DYM: variants seen among roughly 807,000 people sequenced by gnomAD.
DYM encodes the protein dymeclin.
In DYM, 78 loss-of-function variants were observed where a neutral mutation model predicts 93.1. That is an observed-to-expected ratio of 0.84 (90% confidence interval 0.70 to 1.01). The LOEUF (loss-of-function observed/expected upper bound fraction) is 1.01, where lower values mean the gene tolerates loss of function less well. Ranked by LOEUF, DYM falls within the 50% of genes least tolerant of loss-of-function variation. DYM has a pLI of 0.00. For missense variants in DYM, 789 were observed against 845.0 expected (o/e 0.93, Z 0.82); for synonymous variants, 321 against 319.7 (o/e 1.00, Z -0.04).
chr18:49,298,752 C>A (rs1055491221), intron 8 of DYM, among the ~76,000 whole-genome samples: 1 of 151,982 alleles, frequency 6.6e-6, no homozygotes, highest in Non-Finnish European at 1.5e-5. Context: ...AAGATCGATT[C>A]CTGTTTACTT....
At chr18:49,333,624 A>G in intron 7 of DYM, 104 bp downstream of exon 7, 1 of 1,263,624 alleles carries the variant, frequency 7.9e-7, no homozygotes, top group Non-Finnish European at 1.1e-6. Context: ...AACTAGAGGA[A>G]ATACCTGGTT....
intron 16 of DYM, 88 bp from the exon 17 acceptor site, chr18:49,097,603 C>T: frequency 9.0e-7 from 1 of 1,111,780 alleles, no homozygotes; most frequent in Non-Finnish European, 1.3e-6. Flanking sequence ...GTCAAACTAT[C>T]ATGATTCCAT....
intron 17 of DYM, among the ~76,000 whole-genome samples, chr18:49,072,554 A>T (rs1297109760): frequency 1.3e-5 from 2 of 152,260 alleles, no homozygotes; most frequent in Non-Finnish European, 2.9e-5. Context: ...AAATAGAGTA[A>T]ATGCTTTTCC....
intron 7 of DYM, 80 bp downstream of exon 7, chr18:49,333,648 G>T: frequency 1.4e-6 from 2 of 1,439,914 alleles, no homozygotes; most frequent in Non-Finnish European, 1.9e-6. Context: ...GATATGGGAC[G>T]ATACTCAGGT....
rs188066651 is a variant in DYM, at chr18:49,189,843, G to T, written c.1625+19708C>A. Among the ~76,000 whole-genome samples, 51 of 152,266 alleles carry T rather than the reference G, an allele frequency of 3.3e-4. 1 individual carries two copies. Among genetic ancestry groups the T allele is most frequent in the African/African-American group, 1.2e-3 (49 of 41,542 alleles). Reference sequence around the variant, plus strand: ...ATAACAGGAAATACCACAAACTCTTGCAATAGTCACATCAACTGTTACATA... The same window carrying T: ...ATAACAGGAAATACCACAAACTCTTTCAATAGTCACATCAACTGTTACATA... On this transcript the variant is annotated intron_variant, in intron 14 of 17. Coordinates refer to ENST00000675505, the MANE Select transcript of DYM (RefSeq NM_001353214.3).
intron 13 of DYM, among the ~76,000 whole-genome samples, chr18:49,213,640 T>C (rs144871871): frequency 6.6e-6 from 1 of 152,292 alleles, no homozygotes; most frequent in East Asian, 1.9e-4. Context: ...ATTATCTATA[T>C]GCTTAAAGAA....
At chr18:49,199,000 T>C (rs994290917) in intron 14 of DYM, among the ~76,000 whole-genome samples, 27 of 152,214 alleles carry the variant, frequency 1.8e-4, no homozygotes, top group Non-Finnish European at 3.7e-4. Context: ...AATGATAGAC[T>C]GGATTAAGAA....
At chr18:49,076,271 T>C (rs1474338711) in intron 17 of DYM, among the ~76,000 whole-genome samples, 1 of 152,220 alleles carries the variant, frequency 6.6e-6, no homozygotes, top group Non-Finnish European at 1.5e-5. Flanking sequence ...ACTTTGAGTC[T>C]GAAAGACACA....
chr18:49,215,433 C>A (rs890390091), intron 13 of DYM, among the ~76,000 whole-genome samples: 2 of 152,152 alleles, frequency 1.3e-5, no homozygotes, highest in African/African-American at 4.8e-5. Context: ...CAGACAAAAT[C>A]TTGTTAGTTT....
At chr18:49,280,953 G>C (rs959317081) in intron 10 of DYM, among the ~76,000 whole-genome samples, 3 of 152,138 alleles carry the variant, frequency 2.0e-5, no homozygotes, top group Non-Finnish European at 4.4e-5. Context: ...TTGACAAATG[G>C]GATCTAATTA....
chr18:49,043,973 C>G lies in DYM; in HGVS notation c.*82G>C. On this transcript the variant is annotated 3_prime_UTR_variant, in exon 18 of 18. Coordinates refer to ENST00000675505, the MANE Select transcript of DYM (RefSeq NM_001353214.3). ...ACAGAAGATACACCAAGTAACCTGT[C>G]TGTCTACTTCTGTTACCCAGAAATA... is the stretch of plus-strand genomic sequence containing the variant. 4 of 1,512,528 alleles carry G rather than the reference C, an allele frequency of 2.6e-6. No homozygotes were observed. The highest frequency in any genetic ancestry group is 3.6e-6 in the Non-Finnish European group (4 of 1,097,996). The allele number at this position is 1,512,528 out of a possible 1,614,324, so 93.7% of individuals were successfully genotyped here. A position where few individuals can be genotyped will look rare whatever the true frequency, so the allele number is the denominator to read the frequency against.
chr18:49,131,753 T>C (rs1188158825), intron 15 of DYM, among the ~76,000 whole-genome samples: 1 of 152,200 alleles, frequency 6.6e-6, no homozygotes, highest in East Asian at 1.9e-4. Context: ...CTATGCAGTA[T>C]TCTTAACAAG....
At chr18:49,345,923 G>A (rs1250286718) in intron 6 of DYM, among the ~76,000 whole-genome samples, 2 of 152,110 alleles carry the variant, frequency 1.3e-5, no homozygotes, top group Non-Finnish European at 2.9e-5. Context: ...ATCAATAAGG[G>A]CATGATTAAA....
intron 17 of DYM, among the ~76,000 whole-genome samples, chr18:49,095,984 T>C (rs953911945): frequency 1.4e-4 from 22 of 152,310 alleles, no homozygotes; most frequent in African/African-American, 3.8e-4. Context: ...TTAATCTTCA[T>C]AGATTTTTTT....
At chr18:49,332,998 A>G (rs2146848108) in intron 7 of DYM, among the ~76,000 whole-genome samples, 1 of 152,334 alleles carries the variant, frequency 6.6e-6, no homozygotes, top group Non-Finnish European at 1.5e-5. Flanking sequence ...AGTGATTTTC[A>G]AATATGTTCA....
At chr18:49,067,452 A>AGTAGAGGAAGGAGTGGGGTGATGTG (rs2076546684) in intron 17 of DYM, among the ~76,000 whole-genome samples, 1 of 18,620 alleles carries the variant, frequency 5.4e-5, no homozygotes, top group Non-Finnish European at 9.5e-5. Flanking sequence ...TGATGTGAGC[A>AGTAGAGGAAGGAGTGGGGTGATGTG]CTATGGAAGT....
chr18:49,125,349 G>A (rs1381851170), intron 15 of DYM, among the ~76,000 whole-genome samples: 2 of 152,144 alleles, frequency 1.3e-5, no homozygotes, highest in Non-Finnish European at 2.9e-5. Context: ...ATACCCAGGC[G>A]TGAAATTCCA....
At chr18:49,258,859 G>C (rs1194169885) in intron 11 of DYM, among the ~76,000 whole-genome samples, 13 of 100,164 alleles carry the variant, frequency 1.3e-4, no homozygotes, top group African/African-American at 5.6e-4. Context: ...GAGAGAGAGA[G>C]AGAGAGAGAG....
chr18:49,150,695 A>C (rs1192876732), intron 15 of DYM, among the ~76,000 whole-genome samples: 1 of 152,242 alleles, frequency 6.6e-6, no homozygotes, highest in Non-Finnish European at 1.5e-5. Context: ...TCATTCATTC[A>C]GCAACCAGAC....
Sources: allele counts gnomAD v4.1 joint callset (sites outside exome capture counted in the v4.1 genomes callset), GRCh38; gene constraint gnomAD v4.1.1; transcripts MANE v1.5; gene names NCBI Gene and HGNC (gene_info 2026-07-23, HGNC 2026-07-21).